Variants in TMEM131 observed in about 807,000 individuals in gnomAD.
TMEM131 encodes the protein transmembrane protein 131.
TMEM131 carries 66 observed loss-of-function variants against 211.6 expected under a neutral mutation model. That is an observed-to-expected ratio of 0.31 (90% CI 0.26 to 0.38). TMEM131 has a LOEUF of 0.38. Ranked by LOEUF, TMEM131 falls within the 10% of genes least tolerant of loss-of-function variation. The pLI, the probability that TMEM131 is intolerant of heterozygous loss-of-function variation, is 1.00. For synonymous variants in TMEM131, 844 were observed against 841.3 expected (o/e 1.00, Z -0.06); for missense variants, 2,036 against 2,299.3 (o/e 0.89, Z 2.34).
chr2:97,983,648 A>G (rs769128745), intron 1 of TMEM131, among the ~76,000 whole-genome samples: 1 of 152,134 alleles, frequency 6.6e-6, no homozygotes, highest in Non-Finnish European at 1.5e-5. Flanking sequence ...TACCCAATAA[A>G]TACGAAAGGA....
At position 97,759,262 on chromosome 2, in the gene TMEM131, G is replaced by A. The variant is rs1678681810; in HGVS notation, c.5207-209C>T. On this transcript the variant is annotated intron_variant, in intron 39 of 40. Coordinates refer to ENST00000186436, the MANE Select transcript of TMEM131 (RefSeq NM_015348.2). ...GTGCACGAGCTGATATGCCACCAAT[G>A]ACATCCAAATGCAAACTTTCCCCAC... The A allele has an allele frequency of 1.0e-5, 6 of 600,258 alleles. No individual in the cohort carries two copies. The South Asian group carries it at 1.3e-4, about 13-fold the overall frequency. 37.2% of individuals were successfully genotyped at this position (600,258 alleles called of 1,614,324 possible).
rs1372434369 is a variant in TMEM131 at position 97,888,117 on chromosome 2, T to C, written c.294A>G (p.Ile98Met). The C allele has an allele frequency of 1.9e-6, 3 of 1,611,952 alleles. No homozygotes were observed. Among genetic ancestry groups the C allele is most frequent in the Middle Eastern group, 1.7e-4 (1 of 6,058 alleles). Reference sequence around the variant, plus strand: ...GCCTGCAATTCCCCCGGTAGAGAGATATACTGTAAATAAAAAGAAAACAAC... The same window carrying C: ...GCCTGCAATTCCCCCGGTAGAGAGACATACTGTAAATAAAAAGAAAACAAC... ...LGLSSYQQKS[I>M]SLYRGNCRPI... Residue 98 changes from isoleucine to methionine, a missense_variant, in exon 4 of 41, where the codon ATA becomes ATG. Ile to Met is a conservative substitution (Grantham distance 10, BLOSUM62 1). Around this residue, in one of 3 missense-constraint regions of TMEM131, gnomAD observed 277 missense variants for 378.0 expected, o/e 0.73. Transcript: ENST00000186436.
chr2:97,805,467 G>A lies in TMEM131; in HGVS notation c.2209-16C>T, dbSNP rs1681252489. On this transcript the variant is annotated splice_polypyrimidine_tract_variant and intron_variant, in intron 20 of 40. Transcript: ENST00000186436. ...TGTTTGCAATCTATAAAGAGGCACA[G>A]GAGAACCATGAATCCCAAATCCACA... 1 of 1,613,880 alleles carries A rather than the reference G, an allele frequency of 6.2e-7. No individual in the cohort carries two copies. The highest frequency in any genetic ancestry group is 8.5e-7 in the Non-Finnish European group (1 of 1,179,824).
intron 1 of TMEM131, among the ~76,000 whole-genome samples, chr2:97,938,214 A>C (rs528765582): frequency 1.2e-3 from 184 of 152,354 alleles, no homozygotes; most frequent in South Asian, 2.1e-3. Context: ...AAATGCTCCA[A>C]TTAAAAGACA....
rs1297705138 is a variant in TMEM131 at position 97,812,726 on chromosome 2, T to C, written c.1641A>G (p.Ile547Met). The C allele has an allele frequency of 1.9e-6, 3 of 1,586,678 alleles. No homozygotes were observed. Among genetic ancestry groups the C allele is most frequent in the Non-Finnish European group, 2.6e-6 (3 of 1,171,198 alleles). The change falls in exon 16 of 41, where the codon ATA becomes ATG. Residue 547 changes from isoleucine (I) to methionine (M), a missense_variant. By Grantham distance (10) the Ile-to-Met change is conservative (BLOSUM62 1). Coordinates refer to ENST00000186436, the MANE Select transcript of TMEM131 (RefSeq NM_015348.2). ...CTCCAAAATCTATGAAACGTTCCTC[T>C]ATTTTGGGGGGCAATACAAAGTACT... is the stretch of plus-strand genomic sequence containing the variant. ...FLDYFVLPPK[I>M]EERFIDFGVL...
chr2:97,906,616 A>G (rs1437137512), intron 3 of TMEM131, among the ~76,000 whole-genome samples: 1 of 152,216 alleles, frequency 6.6e-6, no homozygotes, highest in Non-Finnish European at 1.5e-5. Context: ...ACTAGGAGGA[A>G]GCCCAAACTA....
intron 1 of TMEM131, among the ~76,000 whole-genome samples, chr2:97,979,885 C>T (rs1679710052): frequency 6.6e-6 from 1 of 152,206 alleles, no homozygotes; most frequent in Non-Finnish European, 1.5e-5. Flanking sequence ...CTTTGACATG[C>T]TCTCCTCGCT....
intron 33 of TMEM131, among the ~76,000 whole-genome samples, chr2:97,769,396 G>C (rs1679355243): frequency 6.6e-6 from 1 of 152,064 alleles, no homozygotes; most frequent in Non-Finnish European, 1.5e-5. Context: ...CGTTACACCT[G>C]ACTCAAGCCT....
At chr2:97,788,959 C>A (rs1680373470) in intron 31 of TMEM131, among the ~76,000 whole-genome samples, 1 of 152,168 alleles carries the variant, frequency 6.6e-6, no homozygotes, top group Non-Finnish European at 1.5e-5. Context: ...ACAATACATG[C>A]ATACTTTTTT....
rs192323438 is a variant in TMEM131, at chr2:97,799,945, T to C, written c.2718+1950A>G. On this transcript the variant is annotated intron_variant, in intron 25 of 40. Transcript: ENST00000186436. ...TCAGGGAGCCAGCCATTAAAGAGAG[T>C]TGTAAAAATTAAAAAAAATCCATTC... 1.6e-3 allele frequency among the ~76,000 whole-genome samples: 250 copies of C among 152,152 alleles called. 2 individuals are homozygous for C. The highest frequency in any genetic ancestry group is 1.4e-3 in the Admixed American group (21 of 15,276).
intron 31 of TMEM131, among the ~76,000 whole-genome samples, chr2:97,790,419 C>T (rs1680447885): frequency 2.0e-5 from 3 of 152,228 alleles, no homozygotes; most frequent in Admixed American, 2.0e-4. Context: ...ACCACTGTCT[C>T]CTCACAGGCT....
chr2:97,931,275 C>T (rs758435260), intron 1 of TMEM131, among the ~76,000 whole-genome samples: 2 of 151,758 alleles, frequency 1.3e-5, no homozygotes, highest in African/African-American at 2.4e-5. Context: ...TCACACCGAC[C>T]CACATCTCTA....
intron 1 of TMEM131, among the ~76,000 whole-genome samples, chr2:97,962,693 C>T (rs760196744): frequency 1.3e-5 from 2 of 152,040 alleles, no homozygotes; most frequent in Admixed American, 6.6e-5. Context: ...GTATTACTTG[C>T]GAGAAATGAA....
intron 4 of TMEM131, among the ~76,000 whole-genome samples, chr2:97,884,887 G>A (rs1314543179): frequency 1.3e-5 from 2 of 152,148 alleles, no homozygotes; most frequent in African/African-American, 4.8e-5. Context: ...TTTAGATGGG[G>A]GAACTGAACC....
chr2:97,802,027 A>T, intron 24 of TMEM131, 66 bp from the exon 25 acceptor site: 1 of 1,114,518 alleles, frequency 9.0e-7, no homozygotes, highest in Non-Finnish European at 1.3e-6. Flanking sequence ...TTATGGAGTG[A>T]TTATCAGGTG....
In TMEM131 at chr2:97,855,085, T is replaced by C. The variant is rs530167701; in HGVS notation, c.483+4219A>G. Reference sequence around the variant, plus strand: ...GTATGATAAGCATCTCTGTTTTCACTGGTAAAAACAAAAGTGCCTGGCACT... The same window carrying C: ...GTATGATAAGCATCTCTGTTTTCACCGGTAAAAACAAAAGTGCCTGGCACT... On this transcript the variant is annotated intron_variant, in intron 5 of 40. Transcript: ENST00000186436. Among the ~76,000 whole-genome samples the C allele has an allele frequency of 2.5e-3, 385 of 152,370 alleles. 2 individuals are homozygous for C. Among genetic ancestry groups the C allele is most frequent in the African/African-American group, 9.0e-3 (375 of 41,586 alleles).
intron 32 of TMEM131, among the ~76,000 whole-genome samples, chr2:97,775,262 C>A (rs538140543): frequency 6.6e-6 from 1 of 152,158 alleles, no homozygotes; most frequent in African/African-American, 2.4e-5. Context: ...AGGCCTCCAA[C>A]GGGCGAGGCA....
chr2:97,977,325 T>C (rs1487703846), intron 1 of TMEM131, among the ~76,000 whole-genome samples: 2 of 152,018 alleles, frequency 1.3e-5, no homozygotes, highest in Non-Finnish European at 2.9e-5. Flanking sequence ...AATAAGAAAA[T>C]AGCCTAATAA....
intron 3 of TMEM131, 83 bp from the exon 4 acceptor site, chr2:97,888,203 G>A (rs1675238969): frequency 8.5e-7 from 1 of 1,181,374 alleles, no homozygotes; most frequent in Non-Finnish European, 1.2e-6. Context: ...GCTGACTTTT[G>A]TCATAACAAT....
Sources: allele counts gnomAD v4.1 joint callset (sites outside exome capture counted in the v4.1 genomes callset), GRCh38; gene constraint gnomAD v4.1.1; regional missense constraint gnomAD v4.1.1; transcripts MANE v1.5; gene names NCBI Gene and HGNC (gene_info 2026-07-23, HGNC 2026-07-21).